LSAMP: variants seen among roughly 807,000 people sequenced by gnomAD.
LSAMP encodes the protein limbic system-associated membrane protein.
LSAMP carries 7 observed loss-of-function variants against 38.6 expected under a neutral mutation model. The observed-to-expected ratio is 0.18, with a 90% CI of 0.10 to 0.34. The LOEUF (loss-of-function observed/expected upper bound fraction) is 0.34. Among genes scored for constraint, LSAMP ranks in the 10% least tolerant of loss-of-function variants. The pLI is 1.00. For missense variants in LSAMP, 313 were observed against 420.0 expected (o/e 0.75, Z 2.23); for synonymous variants, 154 against 166.8 (o/e 0.92, Z 0.59).
intron 1 of LSAMP, among the ~76,000 whole-genome samples, chr3:116,184,953 A>G (rs1265913625): frequency 6.6e-6 from 1 of 150,670 alleles, no homozygotes; most frequent in East Asian, 1.9e-4. Context: ...ATATATATTG[A>G]ATTTCTAATG....
chr3:116,432,609 C>T (rs2049296151), intron 1 of LSAMP, among the ~76,000 whole-genome samples: 1 of 151,916 alleles, frequency 6.6e-6, no homozygotes, highest in Non-Finnish European at 1.5e-5. Flanking sequence ...CTATCTATAA[C>T]TTCTGGCATT....
intron 2 of LSAMP, among the ~76,000 whole-genome samples, chr3:116,052,215 G>A (rs907137945): frequency 6.6e-6 from 1 of 152,010 alleles, no homozygotes; most frequent in Non-Finnish European, 1.5e-5. Flanking sequence ...GCAATGAAAA[G>A]AAAGGAGGAG....
At chr3:115,975,861 A>G (rs1223492691) in intron 3 of LSAMP, among the ~76,000 whole-genome samples, 1 of 152,192 alleles carries the variant, frequency 6.6e-6, no homozygotes, top group East Asian at 1.9e-4. Flanking sequence ...TTACATCCGT[A>G]TACCTGACAT....
chr3:116,021,525 C>T (rs754581694), intron 2 of LSAMP, among the ~76,000 whole-genome samples: 3 of 152,096 alleles, frequency 2.0e-5, no homozygotes, highest in African/African-American at 4.8e-5. Flanking sequence ...GATAGTGTTT[C>T]AGAACATAAT....
At chr3:116,183,511 T>TACC (rs1559773845) in intron 1 of LSAMP, among the ~76,000 whole-genome samples, 1 of 151,832 alleles carries the variant, frequency 6.6e-6, no homozygotes, top group Non-Finnish European at 1.5e-5. Context: ...GAAATGGGTA[T>TACC]GTACATCAGT....
intron 1 of LSAMP, among the ~76,000 whole-genome samples, chr3:116,135,905 G>T (rs1709237536): frequency 6.6e-6 from 1 of 152,136 alleles, no homozygotes; most frequent in South Asian, 2.1e-4. Context: ...TGATTGATGA[G>T]GCTAATAAAG....
chr3:116,062,653 A>G (rs937769409), intron 2 of LSAMP, among the ~76,000 whole-genome samples: 1 of 152,160 alleles, frequency 6.6e-6, no homozygotes, highest in Admixed American at 6.5e-5. Context: ...GTCTTCTGCG[A>G]GCTTTTCAGA....
chr3:116,111,988 A>C (rs1345347509), intron 1 of LSAMP, among the ~76,000 whole-genome samples: 1 of 152,242 alleles, frequency 6.6e-6, no homozygotes, highest in Non-Finnish European at 1.5e-5. Flanking sequence ...AGGTTTAGGT[A>C]GGTAGGACAG....
chr3:115,838,063 T>C (rs1559843902), intron 6 of LSAMP: 1 of 152,326 alleles, frequency 6.6e-6, no homozygotes, highest in East Asian at 1.9e-4. Flanking sequence ...AGGTCAGAAA[T>C]GGAGCAGATC....
chr3:115,806,685 C>G lies in LSAMP; in HGVS notation c.*3632G>C, dbSNP rs1933637299. On this transcript the variant is annotated 3_prime_UTR_variant, in exon 7 of 7. Transcript: ENST00000490035. Reference sequence around the variant, plus strand: ...AAAATGCCCATGGCAAGCGAGAAGTCTGTCTGACTTGGAAGAGAAGGCAAA... The same window carrying G: ...AAAATGCCCATGGCAAGCGAGAAGTGTGTCTGACTTGGAAGAGAAGGCAAA... 1 of 152,174 alleles carries G rather than the reference C, an allele frequency of 6.6e-6. No homozygotes were observed. The highest frequency in any genetic ancestry group is 6.5e-5 in the Admixed American group (1 of 15,270). 9.4% of individuals were successfully genotyped at this position (152,174 alleles called of 1,614,324 possible). A position where few individuals can be genotyped will look rare whatever the true frequency, so the allele number is the denominator to read the frequency against.
chr3:116,035,498 T>C lies in LSAMP; in HGVS notation c.389-15858A>G, dbSNP rs527643224. Among the ~76,000 whole-genome samples, 145 of 152,302 alleles carry C rather than the reference T, an allele frequency of 9.5e-4. 1 individual carries two copies. In the South Asian group the frequency reaches 0.014, roughly 14 times the overall value. On this transcript the variant is annotated intron_variant, in intron 2 of 6. Coordinates refer to ENST00000490035, the MANE Select transcript of LSAMP (RefSeq NM_002338.5). ...GTGGGGAAATGAGTGACACTTTACA[T>C]AGACGTGTGAATTTTCCAAATGCAG...
At chr3:116,182,196 A>G (rs2107570473) in intron 1 of LSAMP, among the ~76,000 whole-genome samples, 1 of 151,968 alleles carries the variant, frequency 6.6e-6, no homozygotes, top group East Asian at 1.9e-4. Flanking sequence ...CATTCATGAC[A>G]CCTCTGTAGC....
intron 6 of LSAMP, among the ~76,000 whole-genome samples, chr3:115,822,192 T>C (rs1316738865): frequency 6.6e-6 from 1 of 152,140 alleles, no homozygotes; most frequent in Non-Finnish European, 1.5e-5. Context: ...TGTATAAACC[T>C]CAATGTCAAA....
intron 1 of LSAMP, among the ~76,000 whole-genome samples, chr3:116,172,255 C>G (rs77599841): frequency 0.014 from 2,178 of 151,906 alleles, 22 homozygotes; most frequent in South Asian, 0.028. Flanking sequence ...TTTATATGTT[C>G]ACAACCGTCT....
chr3:116,330,178 T>C (rs1008885149), intron 1 of LSAMP, among the ~76,000 whole-genome samples: 3 of 152,160 alleles, frequency 2.0e-5, no homozygotes, highest in Non-Finnish European at 4.4e-5. Flanking sequence ...TTGTCTGATG[T>C]AATATTTTGG....
rs183724387 is a variant in LSAMP at position 115,990,787 on chromosome 3, C to G, written c.514+28728G>C. 5.3e-5 allele frequency among the ~76,000 whole-genome samples: 8 copies of G among 152,182 alleles called. 1 individual carries two copies. Among genetic ancestry groups the G allele is most frequent in the Admixed American group, 3.9e-4 (6 of 15,250 alleles). On this transcript the variant is annotated intron_variant, in intron 3 of 6. Transcript: ENST00000490035. ...AAAACGAGGTCTTAGGACATTTGTT[C>G]TCAATCTTTAGTGAATGTTAAGATC...
At chr3:116,151,098 C>A (rs1345737920) in intron 1 of LSAMP, among the ~76,000 whole-genome samples, 2 of 152,024 alleles carry the variant, frequency 1.3e-5, no homozygotes, top group Middle Eastern at 3.4e-3. Flanking sequence ...CCATTTTAAA[C>A]CCTATTATTT....
intron 3 of LSAMP, among the ~76,000 whole-genome samples, chr3:115,958,996 G>A (rs1205969801): frequency 6.6e-6 from 1 of 152,126 alleles, no homozygotes; most frequent in Non-Finnish European, 1.5e-5. Context: ...AGAGGGAGGA[G>A]TGCCTAATAA....
At chr3:115,986,969 G>C (rs1939527256) in intron 3 of LSAMP, among the ~76,000 whole-genome samples, 1 of 152,164 alleles carries the variant, frequency 6.6e-6, no homozygotes, top group Non-Finnish European at 1.5e-5. Context: ...GCTGGACTAA[G>C]AGGAAAAATA....
Sources: gnomAD v4.1 joint callset for allele counts (sites outside exome capture counted in the v4.1 genomes callset) on GRCh38, gnomAD v4.1.1 for gene constraint, MANE v1.5 for transcripts, NCBI Gene and HGNC (gene_info 2026-07-23, HGNC 2026-07-21) for gene names.